Variants in CAMK2D observed in about 807,000 individuals in gnomAD.
CAMK2D encodes the protein calcium/calmodulin dependent protein kinase II delta.
CAMK2D carries 37 observed loss-of-function variants against 84.0 expected under a neutral mutation model. The observed-to-expected ratio is 0.44, with a 90% confidence interval of 0.34 to 0.58. The LOEUF (loss-of-function observed/expected upper bound fraction) is 0.58. CAMK2D is among the 20% of genes least tolerant of loss of function. The pLI is 0.02. For missense variants in CAMK2D, 448 were observed against 652.5 expected (o/e 0.69, Z 3.41); for synonymous variants, 202 against 212.5 (o/e 0.95, Z 0.43).
chr4:113,479,615 C>G (rs956433350), intron 16 of CAMK2D, among the ~76,000 whole-genome samples: 1 of 152,026 alleles, frequency 6.6e-6, no homozygotes, highest in Non-Finnish European at 1.5e-5. Flanking sequence ...TTAAAAAAAC[C>G]ATCAGTTTCG....
At chr4:113,489,030 T>A (rs1002464035) in intron 16 of CAMK2D, among the ~76,000 whole-genome samples, 2 of 152,114 alleles carry the variant, frequency 1.3e-5, no homozygotes, top group East Asian at 3.8e-4. Flanking sequence ...AAAATGAAAC[T>A]GTGTTACATT....
rs145318511 is a variant in CAMK2D, at chr4:113,660,145, C to G, written c.220+1568G>C. Among the ~76,000 whole-genome samples, 244 of 152,246 alleles carry G rather than the reference C, an allele frequency of 1.6e-3. 4 individuals are homozygous for G. In the South Asian group the frequency reaches 0.036, roughly 23 times the overall value. On this transcript the variant is annotated intron_variant, in intron 3 of 20. Coordinates refer to ENST00000511664, the MANE Select transcript of CAMK2D (RefSeq NM_001321571.2). ...ACCCCTTTTCTCACTGCTTCTAGAT[C>G]AGAAATACTTAGGTTAACAATAAAA...
intron 8 of CAMK2D, among the ~76,000 whole-genome samples, chr4:113,526,071 A>G (rs1246372611): frequency 2.0e-5 from 3 of 152,216 alleles, no homozygotes; most frequent in African/African-American, 7.2e-5. Context: ...ACAATTCCAA[A>G]TCCCACAACA....
intron 2 of CAMK2D, among the ~76,000 whole-genome samples, chr4:113,681,368 CT>C (rs771196444): frequency 6.6e-6 from 1 of 152,034 alleles, no homozygotes; most frequent in East Asian, 1.9e-4. Flanking sequence ...TTATAAAGGG[CT>C]TTTCCCCCTT....
rs749740075 is a variant in CAMK2D, at chr4:113,661,777, T to TA, written c.161-6dup. On this transcript the variant is annotated splice_region_variant and splice_polypyrimidine_tract_variant and intron_variant, in intron 2 of 20. Transcript: ENST00000511664. ...CTCTTTCTAGTTTCTGATGATCTGT[T>TA]AAAAAAAAAAACAGAATAAGGCAAA... The TA allele has an allele frequency of 0.068, 72,823 of 1,073,156 alleles. 40 individuals are homozygous for TA. Among genetic ancestry groups the TA allele is most frequent in the South Asian group, 0.13 (6,585 of 52,014 alleles). The allele number at this position is 1,073,156 out of a possible 1,614,324, so 66.5% of individuals were successfully genotyped here. A position where few individuals can be genotyped will look rare whatever the true frequency, so the allele number is the denominator to read the frequency against.
At chr4:113,690,723 C>T (rs545204896) in intron 2 of CAMK2D, among the ~76,000 whole-genome samples, 463 of 152,190 alleles carry the variant, frequency 3.0e-3, no homozygotes, top group Non-Finnish European at 5.8e-3. Flanking sequence ...CAGATCAGTC[C>T]TGGGCAAGTT....
chr4:113,637,177 G>C (rs566622346), intron 3 of CAMK2D, among the ~76,000 whole-genome samples: 1 of 152,192 alleles, frequency 6.6e-6, no homozygotes, highest in Admixed American at 6.6e-5. Context: ...GCAGTATAAG[G>C]GCAAAGAATT....
intron 12 of CAMK2D, 103 bp downstream of exon 12, chr4:113,513,225 A>T: frequency 6.4e-7 from 1 of 1,568,284 alleles, no homozygotes; most frequent in Non-Finnish European, 8.6e-7. Context: ...TGAACAATGA[A>T]GTTTTTCTAA....
intron 3 of CAMK2D, among the ~76,000 whole-genome samples, chr4:113,629,734 G>A (rs2099081950): frequency 6.7e-6 from 1 of 148,592 alleles, no homozygotes; most frequent in Non-Finnish European, 1.5e-5. Flanking sequence ...TTCCTTGGAT[G>A]ATAATATATA....
chr4:113,459,954 T>A (rs79868293), intron 18 of CAMK2D, among the ~76,000 whole-genome samples, 193 bp downstream of exon 18: 4,094 of 152,228 alleles, frequency 0.027, 152 homozygotes, highest in African/African-American at 0.093. Flanking sequence ...AGATATTTTT[T>A]AAAACACACC....
chr4:113,660,344 T>A (rs1231168492), intron 3 of CAMK2D, among the ~76,000 whole-genome samples: 1 of 152,226 alleles, frequency 6.6e-6, no homozygotes, highest in Admixed American at 6.5e-5. Context: ...TCATGAGGGA[T>A]AAATATTCTA....
In CAMK2D at chr4:113,720,621, C is replaced by T. The variant is rs559627505; in HGVS notation, c.160+38699G>A. Among the ~76,000 whole-genome samples the T allele has an allele frequency of 9.2e-5, 14 of 152,050 alleles. No homozygotes were observed. In the East Asian group the frequency reaches 2.1e-3, roughly 23 times the overall value. On this transcript the variant is annotated intron_variant, in intron 2 of 20. Coordinates refer to ENST00000511664, the MANE Select transcript of CAMK2D (RefSeq NM_001321571.2). ...AAATTAACCAGAAATGGGTTATTGTCTGACCAGATTATTTCAGCTGCTTAT... is the reference window on the plus strand; with the variant it reads ...AAATTAACCAGAAATGGGTTATTGTTTGACCAGATTATTTCAGCTGCTTAT...
intron 3 of CAMK2D, among the ~76,000 whole-genome samples, chr4:113,631,179 C>T (rs1241879440): frequency 1.3e-5 from 2 of 152,074 alleles, no homozygotes; most frequent in Non-Finnish European, 2.9e-5. Context: ...CTCTTCTTAT[C>T]TCCTATCACT....
At chr4:113,646,480 G>C (rs938806808) in intron 3 of CAMK2D, among the ~76,000 whole-genome samples, 13 of 152,204 alleles carry the variant, frequency 8.5e-5, no homozygotes, top group African/African-American at 3.1e-4. Context: ...GGGCATGGGG[G>C]AGGAAGGCTG....
chr4:113,730,288 G>A (rs544878768), intron 2 of CAMK2D, among the ~76,000 whole-genome samples: 1 of 152,080 alleles, frequency 6.6e-6, no homozygotes, highest in African/African-American at 2.4e-5. Context: ...TTCATGTTCT[G>A]TTCACTTCTT....
intron 4 of CAMK2D, among the ~76,000 whole-genome samples, chr4:113,554,445 T>C (rs934208829): frequency 6.6e-6 from 1 of 152,122 alleles, no homozygotes; most frequent in Admixed American, 6.5e-5. Context: ...TAAATCATAA[T>C]AGCTTTAGAC....
At chr4:113,697,446 G>A (rs987694) in intron 2 of CAMK2D, among the ~76,000 whole-genome samples, 53,818 of 151,926 alleles carry the variant, frequency 0.35, 10,756 homozygotes, top group Admixed American at 0.5. Context: ...GTTTGAATTT[G>A]AATGTAAAAA....
At chr4:113,664,227 T>C (rs1344929078) in intron 2 of CAMK2D, among the ~76,000 whole-genome samples, 2 of 152,196 alleles carry the variant, frequency 1.3e-5, no homozygotes, top group African/African-American at 4.8e-5. Context: ...TACTTTGTTG[T>C]GGTAGCCCTA....
At chr4:113,636,153 T>C (rs1051432768) in intron 3 of CAMK2D, among the ~76,000 whole-genome samples, 1 of 152,182 alleles carries the variant, frequency 6.6e-6, no homozygotes, top group Non-Finnish European at 1.5e-5. Flanking sequence ...CACAACATTC[T>C]ACCTCACTCC....
Sources: gnomAD v4.1 joint callset for allele counts (sites outside exome capture counted in the v4.1 genomes callset) on GRCh38, gnomAD v4.1.1 for gene constraint, MANE v1.5 for transcripts, NCBI Gene and HGNC (gene_info 2026-07-23, HGNC 2026-07-21) for gene names.